Variants in PRKN observed in about 807,000 individuals in gnomAD.
The protein encoded by PRKN is E3 ubiquitin-protein ligase parkin.
A neutral mutation model predicts 59.5 loss-of-function variants in PRKN; 56 were observed. That is an observed-to-expected ratio of 0.94 (90% confidence interval 0.76 to 1.18). PRKN has a LOEUF of 1.18. PRKN is among the 50% of genes most tolerant of loss of function. The pLI is 0.00. For missense variants in PRKN, 657 were observed against 596.4 expected (o/e 1.10, Z -1.06); for synonymous variants, 250 against 222.1 (o/e 1.13, Z -1.12).
At chr6:162,075,773 C>T (rs1778796612) in intron 4 of PRKN, among the ~76,000 whole-genome samples, 1 of 151,816 alleles carries the variant, frequency 6.6e-6, no homozygotes, top group Admixed American at 6.6e-5. Flanking sequence ...GAACTTAGGC[C>T]CCCCAGTGAA....
chr6:161,421,064 A>G (rs1353226294), intron 9 of PRKN, among the ~76,000 whole-genome samples: 2 of 152,190 alleles, frequency 1.3e-5, no homozygotes. Flanking sequence ...TAAACTAAGT[A>G]GAGAAAGGAA....
At chr6:161,854,567 A>T (rs1283412784) in intron 6 of PRKN, among the ~76,000 whole-genome samples, 3 of 152,186 alleles carry the variant, frequency 2.0e-5, no homozygotes, top group African/African-American at 7.2e-5. Flanking sequence ...GTACTTACCT[A>T]CATATAACTG....
intron 5 of PRKN, among the ~76,000 whole-genome samples, chr6:162,040,572 A>ATTTTTTTTTTT (rs35272845): frequency 2.1e-4 from 24 of 113,044 alleles, no homozygotes; most frequent in East Asian, 7.9e-4. Context: ...ATGCCCGGCT[A>ATTTTTTTTTTT]TTTTTTTTTT....
Position 161,480,491 on chromosome 6 carries a change from C to G in PRKN, c.1083+68363G>C, listed in dbSNP as rs780095992. On this transcript the variant is annotated intron_variant, in intron 9 of 11. Transcript: ENST00000366898. The surrounding 1 kb of genome is among the most constrained non-coding windows in gnomAD (Gnocchi z 4.1). ...TAAACAGCTTGCTTAAAATAGCAGA[C>G]TCACAAAATGCCAGAAGCGAGAGTT... 1.1e-4 allele frequency among the ~76,000 whole-genome samples: 17 copies of G among 152,180 alleles called. No individual in the cohort carries two copies. The highest frequency in any genetic ancestry group is 3.3e-4 in the Admixed American group (5 of 15,282).
chr6:162,396,239 T>G (rs1444629683), intron 2 of PRKN, among the ~76,000 whole-genome samples: 1 of 152,140 alleles, frequency 6.6e-6, no homozygotes, highest in Admixed American at 6.6e-5. Flanking sequence ...AAAGAATAAA[T>G]TTCTCTGAAA....
Position 161,473,142 on chromosome 6 carries a change from C to T in PRKN, c.1083+75712G>A, listed in dbSNP as rs1161017205. 6.6e-6 allele frequency among the ~76,000 whole-genome samples: 1 copy of T among 152,118 alleles called. No homozygotes were observed. The highest frequency in any genetic ancestry group is 1.5e-5 in the Non-Finnish European group (1 of 68,010). ...AGCACCATATGATCCAGCAATCTCT[C>T]TGCTGAGTATATACTCAAAAGAAGT... On this transcript the variant is annotated intron_variant, in intron 9 of 11. Coordinates refer to ENST00000366898, the MANE Select transcript of PRKN (RefSeq NM_004562.3). This position sits in a 1 kb window ranked among gnomAD's most constrained non-coding sequence, Gnocchi z 4.1.
chr6:162,530,762 G>A (rs1223109269), intron 1 of PRKN, among the ~76,000 whole-genome samples: 2 of 152,116 alleles, frequency 1.3e-5, no homozygotes, highest in Non-Finnish European at 2.9e-5. Flanking sequence ...AGAAAAGTAA[G>A]TTAAAAAGTA....
chr6:161,366,194 G>A (rs772650385), intron 10 of PRKN, among the ~76,000 whole-genome samples: 10 of 152,182 alleles, frequency 6.6e-5, no homozygotes, highest in Non-Finnish European at 1.3e-4. Context: ...AGAAGATGCA[G>A]TGAGATGCCA....
At chr6:162,217,560 G>C (rs541386864) in intron 3 of PRKN, among the ~76,000 whole-genome samples, 5 of 152,002 alleles carry the variant, frequency 3.3e-5, no homozygotes, top group African/African-American at 1.2e-4. Context: ...AATTTTTTGT[G>C]TGTGTATTTT....
At chr6:162,525,656 C>G (rs1478004945) in intron 1 of PRKN, among the ~76,000 whole-genome samples, 1 of 152,096 alleles carries the variant, frequency 6.6e-6, no homozygotes, top group Non-Finnish European at 1.5e-5. Context: ...CCCCACGAGT[C>G]AGAGATTTTG....
chr6:162,716,442 G>A (rs1778723614), intron 1 of PRKN, among the ~76,000 whole-genome samples: 1 of 152,144 alleles, frequency 6.6e-6, no homozygotes, highest in Admixed American at 6.5e-5. Flanking sequence ...AACTATTCCA[G>A]GGAGCATGAA....
At chr6:161,511,920 C>T (rs1417367591) in intron 9 of PRKN, among the ~76,000 whole-genome samples, 12 of 152,204 alleles carry the variant, frequency 7.9e-5, no homozygotes, top group African/African-American at 1.4e-4. Flanking sequence ...CCATTCATTA[C>T]GATCCGCGGG....
At chr6:162,051,337 C>T (rs1777635759) in intron 5 of PRKN, among the ~76,000 whole-genome samples, 1 of 152,116 alleles carries the variant, frequency 6.6e-6, no homozygotes, top group South Asian at 2.1e-4. Context: ...TGGAGAGATG[C>T]CCGGTGAGTG....
chr6:161,724,651 T>G (rs151176738), intron 7 of PRKN, among the ~76,000 whole-genome samples: 2 of 152,224 alleles, frequency 1.3e-5, no homozygotes, highest in African/African-American at 4.8e-5. Flanking sequence ...CATTTTGTTT[T>G]TCTTTGTATT....
At chr6:162,548,370 T>C (rs946433174) in intron 1 of PRKN, among the ~76,000 whole-genome samples, 2 of 152,144 alleles carry the variant, frequency 1.3e-5, no homozygotes, top group African/African-American at 2.4e-5. Flanking sequence ...TCTCTGATAG[T>C]TTTTTAAACA....
At chr6:162,705,920 A>G (rs545721750) in intron 1 of PRKN, among the ~76,000 whole-genome samples, 86 of 152,274 alleles carry the variant, frequency 5.6e-4, no homozygotes, top group African/African-American at 1.9e-3. Context: ...GCAAAGCACT[A>G]AACACTTCTA....
intron 7 of PRKN, among the ~76,000 whole-genome samples, chr6:161,621,422 T>C (rs892806688): frequency 3.3e-5 from 5 of 151,958 alleles, no homozygotes; most frequent in African/African-American, 1.2e-4. Flanking sequence ...AGTCCTTGAG[T>C]CCCAAGGCTG....
At chr6:161,999,148 C>T (rs1447072179) in intron 5 of PRKN, among the ~76,000 whole-genome samples, 1 of 152,096 alleles carries the variant, frequency 6.6e-6, no homozygotes, top group Non-Finnish European at 1.5e-5. Context: ...CTATAAACCC[C>T]TCTTCACACC....
intron 7 of PRKN, among the ~76,000 whole-genome samples, chr6:161,599,971 C>G (rs1463941693): frequency 6.6e-6 from 1 of 152,130 alleles, no homozygotes; most frequent in African/African-American, 2.4e-5. Flanking sequence ...TGCAATTTTC[C>G]CAAACATCCC....
Sources: allele counts gnomAD v4.1 joint callset (sites outside exome capture counted in the v4.1 genomes callset), GRCh38; gene constraint gnomAD v4.1.1; non-coding constraint Gnocchi (gnomAD v3.1); transcripts MANE v1.5; gene names NCBI Gene and HGNC (gene_info 2026-07-23, HGNC 2026-07-21).